SYNE1: variants seen among roughly 807,000 people sequenced by gnomAD.
SYNE1 encodes the protein nesprin-1.
Under a neutral mutation model 1,111.0 loss-of-function variants are expected in SYNE1, and 616 were observed. That is an observed-to-expected ratio of 0.55 (90% CI 0.52 to 0.59). The LOEUF is 0.59. Ranked by LOEUF, SYNE1 falls within the 20% of genes least tolerant of loss-of-function variation. The pLI, the probability that SYNE1 is intolerant of heterozygous loss-of-function variation, is 0.00. For missense variants in SYNE1, 10,006 were observed against 10,417.0 expected (o/e 0.96, Z 1.72); for synonymous variants, 3,855 against 3,825.8 (o/e 1.01, Z -0.28).
In SYNE1 at chr6:152,381,102, C is replaced by CTGTT; in HGVS notation, c.8909_8912dup (p.Phe2972ThrfsTer23). 6.2e-7 allele frequency: 1 copy of CTGTT among 1,614,196 alleles called. No homozygotes were observed. The highest frequency in any genetic ancestry group is 8.5e-7 in the Non-Finnish European group (1 of 1,180,028). The stretch of plus-strand genomic sequence containing the variant: ...CCCAGGTTTTCAGAAGGGCACTGAA[C>CTGTT]TGTTCCAGGGCCTGCTCCAGTTGAG... On this transcript the variant is annotated frameshift_variant, in exon 56 of 146. Transcript: ENST00000367255. LOFTEE classifies it high-confidence loss of function.
intron 87 of SYNE1, among the ~76,000 whole-genome samples, chr6:152,311,775 A>ATT (rs762825816): frequency 0.076 from 10,548 of 138,848 alleles, 840 homozygotes; most frequent in East Asian, 0.42. Flanking sequence ...GCAATAGACT[A>ATT]TTTATTTATT....
At chr6:152,572,972 A>T (rs143733366) in intron 3 of SYNE1, among the ~76,000 whole-genome samples, 367 of 152,294 alleles carry the variant, frequency 2.4e-3, no homozygotes, top group African/African-American at 8.0e-3. Context: ...TCTGGGAAGG[A>T]TTCCTTCTGG....
chr6:152,612,768 AT>A (rs1313408883), intron 3 of SYNE1, among the ~76,000 whole-genome samples: 1 of 152,152 alleles, frequency 6.6e-6, no homozygotes, highest in Non-Finnish European at 1.5e-5. Context: ...GGCAAACCGA[AT>A]CCAGCATCCC....
At chr6:152,180,813 G>T (rs192352625) in intron 128 of SYNE1, among the ~76,000 whole-genome samples, 4 of 152,136 alleles carry the variant, frequency 2.6e-5, no homozygotes, top group African/African-American at 9.7e-5. Context: ...CAAGCGAAGC[G>T]GCCTGAAATG....
At position 152,430,713 on chromosome 6, in the gene SYNE1, A is replaced by G. The variant is rs2098420797; in HGVS notation, c.4462-4T>C. 6.2e-7 allele frequency: 1 copy of G among 1,613,240 alleles called. No homozygotes were observed. Among genetic ancestry groups the G allele is most frequent in the African/African-American group, 1.3e-5 (1 of 74,930 alleles). ...TTTCTATTTCCTGAATTGTGACCTA[A>G]TAGTTAAAACAAGAAAAATGACAAT... On this transcript the variant is annotated splice_region_variant and splice_polypyrimidine_tract_variant and intron_variant, in intron 34 of 145. Transcript: ENST00000367255.
At chr6:152,437,001 T>C (rs1197854501) in intron 32 of SYNE1, among the ~76,000 whole-genome samples, 1 of 149,948 alleles carries the variant, frequency 6.7e-6, no homozygotes, top group African/African-American at 2.5e-5. Context: ...CCTCCATCTC[T>C]AGGGAAAAAA....
chr6:152,155,848 G>A, intron 132 of SYNE1, 62 bp downstream of exon 132: 2 of 1,593,872 alleles, frequency 1.3e-6, no homozygotes, highest in Non-Finnish European at 8.6e-7. Context: ...GGATACTCTG[G>A]GTGATTTTTA....
intron 117 of SYNE1, among the ~76,000 whole-genome samples, 196 bp from the exon 118 acceptor site, chr6:152,221,755 A>G (rs1005784550): frequency 2.0e-5 from 3 of 152,238 alleles, no homozygotes; most frequent in African/African-American, 4.8e-5. Context: ...TATTTTGGCT[A>G]TGAGAAGAGG....
rs1339864208 is a variant in SYNE1, at chr6:152,336,903, T to G, written c.12466A>C (p.Met4156Leu). ...TCCAGCTCAGAGTGCCTCCTCTTCA[T>G]GTTCTGCAGTTGCTGATCAGCATCT... ...LQDADQQLQNMKRRHSELELN... is the reference protein window; with the variant it reads ...LQDADQQLQNLKRRHSELELN... Residue 4156 changes from methionine to leucine, a missense_variant, in exon 76 of 146, where the codon ATG becomes CTG. Around this residue, in one of 7 missense-constraint regions of SYNE1, gnomAD observed 4,955 missense variants for 5,017.2 expected, o/e 0.99. Coordinates refer to ENST00000367255, the MANE Select transcript of SYNE1 (RefSeq NM_182961.4). 6.2e-7 allele frequency: 1 copy of G among 1,614,190 alleles called. No homozygotes were observed.
intron 18 of SYNE1, 107 bp from the exon 19 acceptor site, chr6:152,463,624 A>C (rs2098747001): frequency 4.1e-6 from 4 of 975,980 alleles, no homozygotes; most frequent in Middle Eastern, 2.6e-4. Context: ...CATTCATGTG[A>C]ATTTTAAGAT....
chr6:152,207,098 A>C (rs1034013237), intron 125 of SYNE1, among the ~76,000 whole-genome samples: 7 of 152,178 alleles, frequency 4.6e-5, no homozygotes, highest in Admixed American at 6.5e-5. Flanking sequence ...GCACCTAACC[A>C]AGGCAGTGGC....
intron 105 of SYNE1, among the ~76,000 whole-genome samples, chr6:152,247,748 T>TACACACACAC (rs1419093301): frequency 5.5e-5 from 5 of 90,936 alleles, no homozygotes; most frequent in African/African-American, 2.1e-4. Flanking sequence ...TATATATATA[T>TACACACACAC]ATACACACAC....
At chr6:152,337,064 T>C (rs1285925354) in intron 75 of SYNE1, 47 bp from the exon 76 acceptor site, 4 of 1,579,118 alleles carry the variant, frequency 2.5e-6, no homozygotes, top group African/African-American at 1.3e-5. Context: ...CATGGAAACA[T>C]TTATGGTTAA....
At chr6:152,188,967 AAAAAAAAAAAAAAAAAAATATATATAT>A (rs1367783721) in intron 128 of SYNE1, among the ~76,000 whole-genome samples, 99 of 49,960 alleles carry the variant, frequency 2.0e-3, no homozygotes, top group Middle Eastern at 0.018. Context: ...CAAAAAAAAA[AAAAAAAAAAAAAAAAAAATATATATAT>A]ATATATATAT....
At chr6:152,467,630 A>G (rs1489180349) in intron 16 of SYNE1, among the ~76,000 whole-genome samples, 1 of 152,138 alleles carries the variant, frequency 6.6e-6, no homozygotes, top group African/African-American at 2.4e-5. Flanking sequence ...TTAAAAATGA[A>G]CAAGTGAGAA....
Position 152,318,984 on chromosome 6 carries a change from C to T in SYNE1, c.16268G>A (p.Ser5423Asn), listed in dbSNP as rs773486411. The stretch of plus-strand genomic sequence containing the variant: ...GCTGAGTTCCTGGCTCGTGGCCTTG[C>T]TCTGCTCAACTTCTTTTATTTTGTC... ...IQDKIKEVEQ[S>N]KATSQELSRQ... The change falls in exon 85 of 146, where the codon AGC becomes AAC. Residue 5423 changes from serine (S) to asparagine (N), a missense_variant. This residue lies in a region of SYNE1 where 4,955 missense variants were observed against 5,017.2 expected (regional missense o/e 0.99). Transcript: ENST00000367255. 18 of 1,614,056 alleles carry T rather than the reference C, an allele frequency of 1.1e-5. 1 individual carries two copies. The South Asian group carries it at 1.9e-4, about 17-fold the overall frequency.
Position 152,254,894 on chromosome 6 carries a change from T to C in SYNE1, c.19456A>G (p.Ile6486Val), listed in dbSNP as rs2090446274. The change falls in exon 104 of 146, where the codon ATA becomes GTA. Residue 6486 changes from isoleucine (I) to valine (V), a missense_variant. This residue lies in a region of SYNE1 where 2,182 missense variants were observed against 2,287.8 expected (regional missense o/e 0.95). Transcript: ENST00000367255. The stretch of plus-strand genomic sequence containing the variant: ...ATCTTACTTACCTGGAAATTTAGTA[T>C]TTGCTGAAGTCTTTCTTTCATCTGA... ...CHQMKERLQQ[I>V]LNFQNDLKVL... 1 of 1,613,706 alleles carries C rather than the reference T, an allele frequency of 6.2e-7. No individual in the cohort carries two copies. Among genetic ancestry groups the C allele is most frequent in the Non-Finnish European group, 8.5e-7 (1 of 1,179,836 alleles).
intron 50 of SYNE1, among the ~76,000 whole-genome samples, 198 bp from the exon 51 acceptor site, chr6:152,395,869 T>C (rs2097723704): frequency 6.6e-6 from 1 of 152,144 alleles, no homozygotes; most frequent in Admixed American, 6.5e-5. Context: ...ATCATGACAA[T>C]TTCTTTTGAG....
chr6:152,433,600 A>G, intron 34 of SYNE1, 195 bp downstream of exon 34: 1 of 605,250 alleles, frequency 1.7e-6, no homozygotes, highest in South Asian at 2.2e-5. Flanking sequence ...GACAATGTGA[A>G]TACATAATTC....
Sources: gnomAD v4.1 joint callset for allele counts (sites outside exome capture counted in the v4.1 genomes callset) on GRCh38, gnomAD v4.1.1 for gene constraint, gnomAD v4.1.1 regional missense constraint, MANE v1.5 for transcripts, NCBI Gene and HGNC (gene_info 2026-07-23, HGNC 2026-07-21) for gene names.